DENND1B: variants seen among roughly 807,000 people sequenced by gnomAD.
The protein encoded by DENND1B is DENN domain containing 1B.
In DENND1B, 59 loss-of-function variants were observed where a neutral mutation model predicts 90.1. The observed-to-expected ratio is 0.65, with a 90% CI of 0.53 to 0.81. DENND1B has a LOEUF of 0.81. Among genes scored for constraint, DENND1B ranks in the 40% least tolerant of loss-of-function variants. The pLI is 0.00. For synonymous variants in DENND1B, 337 were observed against 324.6 expected, an observed-to-expected ratio of 1.04 and a Z score of -0.41; for missense variants, 862 against 912.6, an observed-to-expected ratio of 0.94 and a Z score of 0.71.
Position 197,527,423 on chromosome 1 carries a change from T to C in DENND1B, c.1515+12541A>G, listed in dbSNP as rs536110598. 4.8e-4 allele frequency among the ~76,000 whole-genome samples: 73 copies of C among 151,660 alleles called. 1 individual carries two copies. In the South Asian group the frequency reaches 0.015, roughly 32 times the overall value. ...TCAGCCTCCCGAGTAGTTGGGATTATAGGCATGCATCACTATGCCTGGCTA... is the reference window on the plus strand; with the variant it reads ...TCAGCCTCCCGAGTAGTTGGGATTACAGGCATGCATCACTATGCCTGGCTA... On this transcript the variant is annotated intron_variant, in intron 20 of 22. Coordinates refer to ENST00000620048, the MANE Select transcript of DENND1B (RefSeq NM_001195215.2).
intron 5 of DENND1B, among the ~76,000 whole-genome samples, chr1:197,663,018 G>A (rs561604683): frequency 1.5e-3 from 234 of 152,138 alleles, no homozygotes; most frequent in African/African-American, 5.5e-3. Context: ...GTTCATCACT[G>A]TGGATAAAAA....
At chr1:197,569,852 T>C (rs1033381040) in intron 15 of DENND1B, among the ~76,000 whole-genome samples, 1 of 152,138 alleles carries the variant, frequency 6.6e-6, no homozygotes, top group Non-Finnish European at 1.5e-5. Flanking sequence ...ACATGGAGAG[T>C]ACAGTTAATA....
chr1:197,638,269 T>C (rs1354139627), intron 10 of DENND1B, among the ~76,000 whole-genome samples: 1 of 152,208 alleles, frequency 6.6e-6, no homozygotes. Context: ...CAACATGCAC[T>C]ACACAATCAA....
chr1:197,605,815 T>C (rs998642867), intron 13 of DENND1B: 3 of 151,182 alleles, frequency 2.0e-5, no homozygotes, highest in Admixed American at 6.6e-5. Flanking sequence ...TGTCTCAAGG[T>C]CAGCAAGTAT....
At chr1:197,545,874 T>C in intron 18 of DENND1B, 48 bp downstream of exon 18, 3 of 1,460,438 alleles carry the variant, frequency 2.1e-6, no homozygotes, top group Non-Finnish European at 1.9e-6. Context: ...CCTAGGAAAA[T>C]GTTTTATAAT....
intron 20 of DENND1B, among the ~76,000 whole-genome samples, chr1:197,518,035 C>A (rs1176860870): frequency 6.6e-6 from 1 of 151,788 alleles, no homozygotes; most frequent in Non-Finnish European, 1.5e-5. Context: ...CCATTACATT[C>A]TCTCTCCCAC....
intron 20 of DENND1B, among the ~76,000 whole-genome samples, chr1:197,536,321 A>AGGC (rs1669903459): frequency 6.6e-6 from 1 of 152,296 alleles, no homozygotes; most frequent in South Asian, 2.1e-4. Context: ...ATATCCTTAT[A>AGGC]ATAAATGGCT....
chr1:197,734,153 T>C (rs768742516), intron 2 of DENND1B: 31 of 911,990 alleles, frequency 3.4e-5, no homozygotes, highest in Middle Eastern at 5.5e-4. Flanking sequence ...CCTGAATAAG[T>C]TTTAAAATAT....
intron 2 of DENND1B, among the ~76,000 whole-genome samples, chr1:197,725,081 A>C (rs1189686044): frequency 6.6e-6 from 1 of 152,188 alleles, no homozygotes; most frequent in Non-Finnish European, 1.5e-5. Context: ...TGATTTTCCA[A>C]AACTGATAAA....
intron 3 of DENND1B, among the ~76,000 whole-genome samples, chr1:197,705,648 TAA>T (rs35856931): frequency 2.8e-3 from 389 of 140,778 alleles, no homozygotes; most frequent in East Asian, 4.5e-3. Flanking sequence ...GGTAGAAATT[TAA>T]AAAAAAAAAA....
At chr1:197,517,042 T>C (rs1313486147) in intron 20 of DENND1B, among the ~76,000 whole-genome samples, 1 of 151,840 alleles carries the variant, frequency 6.6e-6, no homozygotes, top group African/African-American at 2.4e-5. Context: ...TCTGCTCGTG[T>C]GTCTGCCTGC....
chr1:197,718,444 A>C (rs1177988220), intron 2 of DENND1B, among the ~76,000 whole-genome samples: 1 of 151,986 alleles, frequency 6.6e-6, no homozygotes, highest in East Asian at 1.9e-4. Flanking sequence ...AAAATCATTA[A>C]AGAAAATGTG....
chr1:197,727,254 C>T (rs13374542), intron 2 of DENND1B, among the ~76,000 whole-genome samples: 3,583 of 152,024 alleles, frequency 0.024, 144 homozygotes, highest in African/African-American at 0.081. Context: ...ACATAATTAG[C>T]GCCGGGCGCA....
intron 15 of DENND1B, among the ~76,000 whole-genome samples, chr1:197,568,388 G>T (rs544074037): frequency 6.6e-6 from 1 of 152,198 alleles, no homozygotes; most frequent in East Asian, 1.9e-4. Context: ...TGTGTTCATG[G>T]ATGGAAGAAT....
At chr1:197,573,576 A>G (rs893693750) in intron 15 of DENND1B, among the ~76,000 whole-genome samples, 15 of 152,216 alleles carry the variant, frequency 9.9e-5, no homozygotes, top group African/African-American at 3.6e-4. Context: ...ATAGAAAAAG[A>G]GGGAATCCTC....
chr1:197,620,332 A>T (rs947049616), intron 10 of DENND1B, among the ~76,000 whole-genome samples: 12 of 151,382 alleles, frequency 7.9e-5, no homozygotes, highest in African/African-American at 2.7e-4. Context: ...TAACATGTAT[A>T]TTACAGACAC....
At chr1:197,511,990 GCTGCATGTAAGTAATCT>G in intron 21 of DENND1B, 46 bp from the exon 22 acceptor site, 1 of 1,439,890 alleles carries the variant, frequency 6.9e-7, no homozygotes, top group South Asian at 1.3e-5. Flanking sequence ...AACCATATTT[GCTGCATGTAAGTAATCT>G]CTCACCAGTT....
chr1:197,612,883 A>C (rs934339022), intron 11 of DENND1B, among the ~76,000 whole-genome samples: 1 of 150,796 alleles, frequency 6.6e-6, no homozygotes, highest in African/African-American at 2.4e-5. Context: ...CTTCTCACGA[A>C]ATACAAGAAG....
intron 18 of DENND1B, among the ~76,000 whole-genome samples, chr1:197,542,750 G>A (rs1271031253): frequency 3.3e-5 from 5 of 151,978 alleles, no homozygotes; most frequent in Admixed American, 6.6e-5. Context: ...ATCAGTTTTA[G>A]AAACAATTAC....
Sources: gnomAD v4.1 joint callset for allele counts (sites outside exome capture counted in the v4.1 genomes callset) on GRCh38, gnomAD v4.1.1 for gene constraint, MANE v1.5 for transcripts, NCBI Gene and HGNC (gene_info 2026-07-23, HGNC 2026-07-21) for gene names.